RARA: variants seen among roughly 807,000 people sequenced by gnomAD.
RARA encodes the protein PML-DDX5-RARA fusion.
A neutral mutation model predicts 42.8 loss-of-function variants in RARA; 5 were observed. The observed-to-expected ratio is 0.12, with a 90% CI of 0.06 to 0.25. The LOEUF (loss-of-function observed/expected upper bound fraction) is 0.25, where lower values mean the gene tolerates loss of function less well. RARA is among the 10% of genes least tolerant of loss of function. The pLI, the probability that RARA is intolerant of heterozygous loss-of-function variation, is 1.00. For synonymous variants in RARA, 256 were observed against 259.5 expected, an observed-to-expected ratio of 0.99 and a Z score of 0.13; for missense variants, 402 against 628.7, an observed-to-expected ratio of 0.64 and a Z score of 3.86.
chr17:40,341,322 C>T, intron 2 of RARA: 1 of 1,395,556 alleles, frequency 7.2e-7, no homozygotes, highest in South Asian at 1.6e-5. Flanking sequence ...GAGGAGGGCC[C>T]CCTCTGCCTG....
intron 2 of RARA, chr17:40,348,072 T>A (rs549558642): frequency 2.4e-6 from 1 of 409,240 alleles, no homozygotes; most frequent in South Asian, 5.9e-5. Context: ...TTTATCATTG[T>A]ATCTTTGTGG....
intron 1 of RARA, among the ~76,000 whole-genome samples, chr17:40,325,272 T>C (rs1446744081): frequency 6.7e-6 from 1 of 149,556 alleles, no homozygotes; most frequent in Non-Finnish European, 1.5e-5. Context: ...AATAAATAAA[T>C]AAATAAATAA....
intron 2 of RARA, among the ~76,000 whole-genome samples, chr17:40,344,527 C>T (rs2034187736): frequency 6.6e-6 from 1 of 152,122 alleles, no homozygotes; most frequent in Non-Finnish European, 1.5e-5. Context: ...CTCTTCTTAG[C>T]CCATGGGGAC....
intron 2 of RARA, among the ~76,000 whole-genome samples, chr17:40,339,099 G>A (rs920987600): frequency 5.9e-5 from 9 of 152,220 alleles, no homozygotes; most frequent in Admixed American, 4.6e-4. Context: ...GGCCACGGTC[G>A]CCTGCTTCCT....
chr17:40,340,405 C>A (rs2033996732), intron 2 of RARA, among the ~76,000 whole-genome samples: 1 of 152,186 alleles, frequency 6.6e-6, no homozygotes, highest in Admixed American at 6.5e-5. Context: ...TATAAGCCCC[C>A]CTGGTCTGGC....
rs1598573601 is a variant in RARA at position 40,345,444 on chromosome 17, C to G, written c.179-2872C>G. The G allele has an allele frequency of 6.6e-6, 1 of 152,298 alleles. No individual in the cohort carries two copies. The highest frequency in any genetic ancestry group is 1.5e-5 in the Non-Finnish European group (1 of 68,086). 9.4% of individuals were successfully genotyped at this position (152,298 alleles called of 1,614,324 possible). ...GGGGCCCGGCTGATTTCCTGCTGAT[C>G]TCCTCCAGGAAACCGGCCCCTTGTG... On this transcript the variant is annotated intron_variant, in intron 2 of 8. Transcript: ENST00000254066. The surrounding 1 kb of genome is among the most constrained non-coding windows in gnomAD (Gnocchi z 4.8).
Position 40,355,248 on chromosome 17 carries a change from G to T in RARA, c.1013-15G>T. On this transcript the variant is annotated splice_polypyrimidine_tract_variant and intron_variant, in intron 7 of 8. Coordinates refer to ENST00000254066, the MANE Select transcript of RARA (RefSeq NM_000964.4). This position sits in a 1 kb window ranked among gnomAD's most constrained non-coding sequence, Gnocchi z 4.1. ...TGTGTTCCCAGCTGCTCAGGGGGTGGTTCTGCTTCCTCAGACCGCCAGGAC... is the reference window on the plus strand; with the variant it reads ...TGTGTTCCCAGCTGCTCAGGGGGTGTTTCTGCTTCCTCAGACCGCCAGGAC... 2 of 1,556,028 alleles carry T rather than the reference G, an allele frequency of 1.3e-6. No individual in the cohort carries two copies. The highest frequency in any genetic ancestry group is 1.7e-6 in the Non-Finnish European group (2 of 1,149,228).
intron 3 of RARA, 169 bp downstream of exon 3, chr17:40,348,633 C>A: frequency 1.2e-6 from 1 of 812,794 alleles, no homozygotes; most frequent in African/African-American, 1.8e-5. Flanking sequence ...CCCCACAGGT[C>A]CTCCCCCATA....
At chr17:40,338,230 GGGAGTAGTGTCTGTGGGAAGA>G (rs1159416476) in intron 2 of RARA, among the ~76,000 whole-genome samples, 1 of 152,232 alleles carries the variant, frequency 6.6e-6, no homozygotes, top group Non-Finnish European at 1.5e-5. Flanking sequence ...TGCCCTTTGA[GGGAGTAGTGTCTGTGGGAAGA>G]GGAAGTGGTT....
At chr17:40,316,948 C>T (rs532760609) in intron 1 of RARA, among the ~76,000 whole-genome samples, 1 of 152,226 alleles carries the variant, frequency 6.6e-6, no homozygotes, top group African/African-American at 2.4e-5. Flanking sequence ...TCCCGTGCGC[C>T]GGCCCTCAGG....
chr17:40,337,736 G>C (rs1032686864), intron 2 of RARA, among the ~76,000 whole-genome samples: 1 of 152,250 alleles, frequency 6.6e-6, no homozygotes, highest in African/African-American at 2.4e-5. Context: ...CTAGAGACTG[G>C]GGAATGCCCG....
At position 40,331,129 on chromosome 17, in the gene RARA, C is replaced by T. The variant is rs2033679549; in HGVS notation, c.-90C>T. On this transcript the variant is annotated 5_prime_UTR_variant, in exon 2 of 9. Transcript: ENST00000254066. The stretch of plus-strand genomic sequence containing the variant: ...TGACCACCCAAACCCCATCTGGGCC[C>T]AGGCCCCATGCCCCGAGGAGGGGTG... 7.0e-7 allele frequency: 1 copy of T among 1,425,088 alleles called. No homozygotes were observed. Among genetic ancestry groups the T allele is most frequent in the Admixed American group, 2.1e-5 (1 of 47,554 alleles). 88.3% of individuals were successfully genotyped at this position (1,425,088 alleles called of 1,614,324 possible). A position where few individuals can be genotyped will look rare whatever the true frequency, so the allele number is the denominator to read the frequency against.
intron 2 of RARA, chr17:40,341,679 C>T (rs981141557): frequency 1.2e-4 from 164 of 1,336,738 alleles, no homozygotes; most frequent in Non-Finnish European, 1.5e-4. Flanking sequence ...AGCCGCATTG[C>T]ATTAGGCAAA....
intron 2 of RARA, among the ~76,000 whole-genome samples, chr17:40,344,229 C>A (rs962367676): frequency 5.9e-5 from 9 of 152,058 alleles, no homozygotes; most frequent in African/African-American, 2.2e-4. Context: ...CACTTCTATC[C>A]CAGCTTTTCC....
In RARA at chr17:40,355,153, C is replaced by T. The variant is rs545394421; in HGVS notation, c.1013-110C>T. On this transcript the variant is annotated intron_variant, in intron 7 of 8. Transcript: ENST00000254066. This position sits in a 1 kb window ranked among gnomAD's most constrained non-coding sequence, Gnocchi z 4.1. Reference sequence around the variant, plus strand: ...CCATGCCCTGCCCTGTGTGGGGAGGCGCCTGCGAGCTGCCCTCCTCCATGG... The same window carrying T: ...CCATGCCCTGCCCTGTGTGGGGAGGTGCCTGCGAGCTGCCCTCCTCCATGG... The T allele has an allele frequency of 3.1e-5, 42 of 1,343,868 alleles. No individual in the cohort carries two copies. Among genetic ancestry groups the T allele is most frequent in the Admixed American group, 5.4e-5 (2 of 36,820 alleles). 83.2% of individuals were successfully genotyped at this position (1,343,868 alleles called of 1,614,324 possible).
At chr17:40,335,939 G>A (rs2033833735) in intron 2 of RARA, among the ~76,000 whole-genome samples, 1 of 152,096 alleles carries the variant, frequency 6.6e-6, no homozygotes, top group African/African-American at 2.4e-5. Flanking sequence ...AGAGGTTGAG[G>A]CTGCAGTGAG....
At chr17:40,341,806 C>T in intron 2 of RARA, 1 of 1,213,464 alleles carries the variant, frequency 8.2e-7, no homozygotes, top group Non-Finnish European at 1.0e-6. Context: ...CTGACCAAAC[C>T]TTGGGGGAGC....
intron 2 of RARA, among the ~76,000 whole-genome samples, chr17:40,335,930 G>A (rs1370397953): frequency 1.3e-5 from 2 of 152,026 alleles, no homozygotes; most frequent in Admixed American, 6.5e-5. Context: ...ATGAGCCTGA[G>A]AGGTTGAGGC....
intron 2 of RARA, chr17:40,342,485 C>G: frequency 7.8e-7 from 1 of 1,284,578 alleles, no homozygotes; most frequent in South Asian, 2.1e-5. Flanking sequence ...CCCCTCCCAG[C>G]ACACACAACT....
Sources: allele counts gnomAD v4.1 joint callset (sites outside exome capture counted in the v4.1 genomes callset), GRCh38; gene constraint gnomAD v4.1.1; non-coding constraint Gnocchi (gnomAD v3.1); transcripts MANE v1.5; gene names NCBI Gene and HGNC (gene_info 2026-07-23, HGNC 2026-07-21).